Variants in EYA4 observed in about 807,000 individuals in gnomAD.
EYA4 encodes the protein protein phosphatase EYA4.
In EYA4, 31 loss-of-function variants were observed where a neutral mutation model predicts 87.9. The ratio of observed to expected loss-of-function variants is 0.35; its 90% CI spans 0.27 to 0.48. EYA4 has a LOEUF of 0.48. Among genes scored for constraint, EYA4 ranks in the 20% least tolerant of loss-of-function variants. EYA4 has a pLI of 0.99. For missense variants in EYA4, 678 were observed against 761.4 expected (o/e 0.89, Z 1.29); for synonymous variants, 263 against 270.6 (o/e 0.97, Z 0.28).
rs529080186 is a variant in EYA4, at chr6:133,462,485, A to C, written c.580+8A>C. On this transcript the variant is annotated splice_region_variant and intron_variant, in intron 8 of 19. Coordinates refer to ENST00000355286, the MANE Select transcript of EYA4 (RefSeq NM_004100.5). The stretch of plus-strand genomic sequence containing the variant: ...ACAGCTTGCCCACTTACGGTATTTC[A>C]CATCTTCTGTTTTCTTCTTTGGTTA... 1.1e-4 allele frequency: 178 copies of C among 1,613,048 alleles called. No homozygotes were observed. Among genetic ancestry groups the C allele is most frequent in the Non-Finnish European group, 1.5e-4 (174 of 1,179,926 alleles).
At chr6:133,321,801 C>A (rs985708207) in intron 2 of EYA4, among the ~76,000 whole-genome samples, 24 of 152,144 alleles carry the variant, frequency 1.6e-4, no homozygotes, top group African/African-American at 5.8e-4. Context: ...GGAAAATGAG[C>A]ACCACACGAG....
intron 13 of EYA4, among the ~76,000 whole-genome samples, chr6:133,500,041 T>G (rs1178668576): frequency 6.6e-6 from 1 of 150,426 alleles, no homozygotes; most frequent in Non-Finnish European, 1.5e-5. Context: ...CCTGGCAAAC[T>G]AGATCTGGGG....
intron 2 of EYA4, among the ~76,000 whole-genome samples, chr6:133,365,905 CT>C: frequency 6.6e-6 from 1 of 152,156 alleles, no homozygotes; most frequent in East Asian, 1.9e-4. Flanking sequence ...AGTATAGTCT[CT>C]TCCCATTCAG....
chr6:133,511,865 C>G (rs1243080514), intron 14 of EYA4: 2 of 151,994 alleles, frequency 1.3e-5, no homozygotes, highest in Non-Finnish European at 2.9e-5. Context: ...CCTGTAGTCC[C>G]AGCTACTCGG....
At chr6:133,490,033 A>G (rs1274656483) in intron 13 of EYA4, among the ~76,000 whole-genome samples, 1 of 152,184 alleles carries the variant, frequency 6.6e-6, no homozygotes, top group Non-Finnish European at 1.5e-5. Context: ...CAAAGTGTAG[A>G]GTTTTTAATT....
At chr6:133,405,413 G>T (rs1349249511) in intron 3 of EYA4, among the ~76,000 whole-genome samples, 2 of 152,260 alleles carry the variant, frequency 1.3e-5, no homozygotes, top group East Asian at 1.9e-4. Context: ...AAATGCCATT[G>T]TTTGGGAAAA....
At chr6:133,291,611 A>T (rs1019242974) in intron 2 of EYA4, among the ~76,000 whole-genome samples, 6 of 152,212 alleles carry the variant, frequency 3.9e-5, no homozygotes, top group African/African-American at 1.4e-4. Flanking sequence ...AAGGCTGAAG[A>T]TTCCTAAGTT....
chr6:133,452,524 A>T (rs1583317762), intron 5 of EYA4, among the ~76,000 whole-genome samples: 1 of 152,150 alleles, frequency 6.6e-6, no homozygotes, highest in East Asian at 1.9e-4. Context: ...CAAGAGTAAG[A>T]CTGCTTTAAA....
rs1793049795 is a variant in EYA4 at position 133,448,181 on chromosome 6, T to TATGAGAGA, written c.277+3_277+10dup. On this transcript the variant is annotated splice_region_variant and intron_variant, in intron 5 of 19. Coordinates refer to ENST00000355286, the MANE Select transcript of EYA4 (RefSeq NM_004100.5). ...GCAACACCCCCTCTTCTGCAACAAG[T>TATGAGAGA]ATGAGAGATGCTGGTACACTGCATG... is the stretch of plus-strand genomic sequence containing the variant. The TATGAGAGA allele has an allele frequency of 6.2e-7, 1 of 1,608,914 alleles. No homozygotes were observed. The highest frequency in any genetic ancestry group is 1.1e-5 in the South Asian group (1 of 91,010).
chr6:133,317,859 A>C (rs1376936946), intron 2 of EYA4, among the ~76,000 whole-genome samples: 2 of 148,816 alleles, frequency 1.3e-5, no homozygotes, highest in African/African-American at 5.0e-5. Flanking sequence ...CCATGCCCGC[A>C]TCCAGGCATC....
intron 13 of EYA4, among the ~76,000 whole-genome samples, chr6:133,498,275 A>G (rs1797805006): frequency 6.6e-6 from 1 of 152,198 alleles, no homozygotes; most frequent in Non-Finnish European, 1.5e-5. Flanking sequence ...AATGACCCTG[A>G]GTTCAAATTC....
At chr6:133,427,548 C>T (rs1790779281) in intron 3 of EYA4, among the ~76,000 whole-genome samples, 1 of 152,084 alleles carries the variant, frequency 6.6e-6, no homozygotes, top group Non-Finnish European at 1.5e-5. Flanking sequence ...CAAGTCTTTC[C>T]TAAATTCCAT....
At chr6:133,346,296 G>GT (rs933782500) in intron 2 of EYA4, among the ~76,000 whole-genome samples, 2 of 152,070 alleles carry the variant, frequency 1.3e-5, no homozygotes, top group South Asian at 2.1e-4. Context: ...TAGTCATTCA[G>GT]TTTTTTTTCC....
At chr6:133,396,706 G>A (rs949122733) in intron 3 of EYA4, among the ~76,000 whole-genome samples, 1 of 152,164 alleles carries the variant, frequency 6.6e-6, no homozygotes, top group African/African-American at 2.4e-5. Context: ...AGGAGAGGGT[G>A]TGTTTGTGTG....
At chr6:133,457,912 G>A (rs1188231549) in intron 6 of EYA4, among the ~76,000 whole-genome samples, 2 of 152,180 alleles carry the variant, frequency 1.3e-5, no homozygotes, top group African/African-American at 4.8e-5. Flanking sequence ...ACTATAAAGT[G>A]TTAGCTCCAG....
chr6:133,393,067 C>T (rs1322994239), intron 3 of EYA4, among the ~76,000 whole-genome samples: 2 of 152,142 alleles, frequency 1.3e-5, no homozygotes, highest in Admixed American at 6.5e-5. Context: ...TTGAGGGCAA[C>T]AACCATCTCT....
chr6:133,489,059 A>G (rs1796919441), intron 13 of EYA4, among the ~76,000 whole-genome samples: 1 of 152,188 alleles, frequency 6.6e-6, no homozygotes, highest in African/African-American at 2.4e-5. Flanking sequence ...TAACAAAGAT[A>G]TTGAAGTAAA....
At chr6:133,305,335 T>TA (rs1469317207) in intron 2 of EYA4, among the ~76,000 whole-genome samples, 2 of 152,154 alleles carry the variant, frequency 1.3e-5, no homozygotes, top group Non-Finnish European at 2.9e-5. Context: ...AAGGACACCT[T>TA]GGCTGCTGTT....
rs116337958 is a variant in EYA4 at position 133,525,403 on chromosome 6, T to G, written c.1839+149T>G. Reference sequence around the variant, plus strand: ...AGCATGAGAGGGTCAATACTTACATTCAAATAAACCATTTGGAGTTTAGCA... The same window carrying G: ...AGCATGAGAGGGTCAATACTTACATGCAAATAAACCATTTGGAGTTTAGCA... On this transcript the variant is annotated intron_variant, in intron 19 of 19. Coordinates refer to ENST00000355286, the MANE Select transcript of EYA4 (RefSeq NM_004100.5). 8,845 of 734,756 alleles carry G rather than the reference T, an allele frequency of 0.012. 543 individuals are homozygous for G. In the African/African-American group the frequency reaches 0.13, roughly 11 times the overall value. The allele number at this position is 734,756 out of a possible 1,614,324, so 45.5% of individuals were successfully genotyped here. A position where few individuals can be genotyped will look rare whatever the true frequency, so the allele number is the denominator to read the frequency against.
Sources: gnomAD v4.1 joint callset for allele counts (sites outside exome capture counted in the v4.1 genomes callset) on GRCh38, gnomAD v4.1.1 for gene constraint, MANE v1.5 for transcripts, NCBI Gene and HGNC (gene_info 2026-07-23, HGNC 2026-07-21) for gene names.